Variants in KANSL2 observed in about 807,000 individuals in gnomAD.
KANSL2 encodes NSL complex protein NSL2.
Under a neutral mutation model 55.6 loss-of-function variants are expected in KANSL2, and 34 were observed. The ratio of observed to expected loss-of-function variants is 0.61; its 90% CI spans 0.46 to 0.81. KANSL2 has a LOEUF of 0.81. Ranked by LOEUF, KANSL2 falls within the 40% of genes least tolerant of loss-of-function variation. KANSL2 has a pLI of 0.00. For missense variants in KANSL2, 502 were observed against 609.9 expected (o/e 0.82, Z 1.86); for synonymous variants, 209 against 214.3 (o/e 0.98, Z 0.22).
rs1670533848 is a variant in KANSL2 at position 48,653,666 on chromosome 12, T to TA, written c.*377dup. 2 of 162,220 alleles carry TA rather than the reference T, an allele frequency of 1.2e-5. No homozygotes were observed. The highest frequency in any genetic ancestry group is 1.3e-4 in the Admixed American group (2 of 15,510). 10.0% of individuals were successfully genotyped at this position (162,220 alleles called of 1,614,324 possible). ...AAAAGCTAAACTGCAGGTCTTCAGA[T>TA]AGAGATAACCGATATTAGGGCCATC... On this transcript the variant is annotated 3_prime_UTR_variant, in exon 10 of 10. Transcript: ENST00000420613.
In KANSL2 at chr12:48,679,758, C is replaced by T. The variant is rs1313287769; in HGVS notation, c.327G>A (p.Gly109=). Residue 109 remains glycine, a synonymous_variant, in exon 3 of 10, where the codon GGG becomes GGA. Coordinates refer to ENST00000420613, the MANE Select transcript of KANSL2 (RefSeq NM_017822.4). ...GGCACAGGAGTGTTTCACCCACAGG[C>T]CCTGGGTTGGTCTTCTTCATTTGAG... is the stretch of plus-strand genomic sequence containing the variant. ...LHAQMKKTNP[G]PVGETLLCQL... 5.0e-6 allele frequency: 8 copies of T among 1,609,954 alleles called. No individual in the cohort carries two copies. The East Asian group carries it at 1.8e-4, about 36-fold the overall frequency.
chr12:48,668,971 G>T, intron 6 of KANSL2, 135 bp downstream of exon 6: 1 of 590,150 alleles, frequency 1.7e-6, no homozygotes, highest in Non-Finnish European at 2.7e-6. Flanking sequence ...GGGAGGCAGA[G>T]GTTGAGAGAT....
In KANSL2 at chr12:48,679,157, CAAGG is replaced by C. The variant is rs1939875142; in HGVS notation, c.431-11_431-8del. On this transcript the variant is annotated splice_polypyrimidine_tract_variant and splice_region_variant and intron_variant, in intron 3 of 9. Transcript: ENST00000420613. ...TCACTCCAGCTGTCTTCATCTGAGGCAAGGAAGGGAGAGCAGCCATTAAGACTTC... is the reference window on the plus strand; with the variant it reads ...TCACTCCAGCTGTCTTCATCTGAGGCAAGGGAGAGCAGCCATTAAGACTTC... The C allele has an allele frequency of 1.2e-6, 2 of 1,600,384 alleles. No individual in the cohort carries two copies. The highest frequency in any genetic ancestry group is 1.7e-6 in the Non-Finnish European group (2 of 1,168,532).
Position 48,674,105 on chromosome 12 carries a change from T to C in KANSL2, c.546-2143A>G, listed in dbSNP as rs539973426. ...AATTTTATTGAAAAGGCAAAACACA[T>C]AAATTATACTAATTTTAAGTCAAAA... is the stretch of plus-strand genomic sequence containing the variant. On this transcript the variant is annotated intron_variant, in intron 4 of 9. Transcript: ENST00000420613. Among the ~76,000 whole-genome samples, 298 of 152,282 alleles carry C rather than the reference T, an allele frequency of 2.0e-3. 1 individual carries two copies. In the South Asian group the frequency reaches 0.022, roughly 11 times the overall value.
At chr12:48,681,169 A>T in intron 2 of KANSL2, 1 of 437,098 alleles carries the variant, frequency 2.3e-6, no homozygotes, top group Non-Finnish European at 4.0e-6. Flanking sequence ...CCTTTATTTT[A>T]CAGATAAGGG....
rs1466919233 is a variant in KANSL2, at chr12:48,665,110, T to A, written c.973+2583A>T. Among the ~76,000 whole-genome samples, 3 of 151,836 alleles carry A rather than the reference T, an allele frequency of 2.0e-5. No individual in the cohort carries two copies. The East Asian group carries it at 5.8e-4, about 29-fold the overall frequency. Reference sequence around the variant, plus strand: ...AGGCTGTAAGCATTTATCTTTAGAGTTTTTCATTACTTTGCACAACCATTT... The same window carrying A: ...AGGCTGTAAGCATTTATCTTTAGAGATTTTCATTACTTTGCACAACCATTT... On this transcript the variant is annotated intron_variant, in intron 7 of 9. Transcript: ENST00000420613.
intron 9 of KANSL2, 92 bp downstream of exon 9, chr12:48,654,849 T>G: frequency 7.6e-7 from 1 of 1,320,804 alleles, no homozygotes; most frequent in Non-Finnish European, 1.0e-6. Context: ...GACACCCCAC[T>G]CCCCTCCAGG....
chr12:48,661,208 G>A (rs1939480938), intron 7 of KANSL2: 2 of 970,882 alleles, frequency 2.1e-6, no homozygotes, highest in Non-Finnish European at 2.4e-6. Flanking sequence ...TTTTTTTTAG[G>A]GGAGTGTGCT....
chr12:48,673,942 C>A (rs1249681253), intron 4 of KANSL2, among the ~76,000 whole-genome samples: 1 of 151,960 alleles, frequency 6.6e-6, no homozygotes, highest in Non-Finnish European at 1.5e-5. Context: ...CAGAGCAAGA[C>A]CATGTCTCAA....
In KANSL2 at chr12:48,660,437, C is replaced by T. The variant is rs200133990; in HGVS notation, c.1156G>A (p.Gly386Ser). Residue 386 changes from glycine to serine, a missense_variant, in exon 8 of 10, where the codon GGC becomes AGC. Transcript: ENST00000420613. ...VLSVPDDLEA[G>S]PMDLYLSAAE... The stretch of plus-strand genomic sequence containing the variant: ...GCACTCAAGTACAGATCCATGGGGC[C>T]GGCTTCCAGATCGTCTGGCACAGAC... 4.3e-6 allele frequency: 7 copies of T among 1,613,888 alleles called. No individual in the cohort carries two copies. Among genetic ancestry groups the T allele is most frequent in the Middle Eastern group, 1.6e-4 (1 of 6,062 alleles).
At chr12:48,666,394 TAA>T (rs71080135) in intron 7 of KANSL2, among the ~76,000 whole-genome samples, 1 of 131,778 alleles carries the variant, frequency 7.6e-6, no homozygotes. Flanking sequence ...CTACAAAAAA[TAA>T]AAAAAAAAAA....
rs546080233 is a variant in KANSL2, at chr12:48,667,849, G to A, written c.877-60C>T. 446 of 1,216,160 alleles carry A rather than the reference G, an allele frequency of 3.7e-4. 1 individual carries two copies. The highest frequency in any genetic ancestry group is 4.5e-4 in the Non-Finnish European group (371 of 824,048). 75.3% of individuals were successfully genotyped at this position (1,216,160 alleles called of 1,614,324 possible). ...AAAAGAACACACAAACAATTACGAT[G>A]AAAATAGTTATATAAGAAAAGCACA... On this transcript the variant is annotated intron_variant, in intron 6 of 9. Coordinates refer to ENST00000420613, the MANE Select transcript of KANSL2 (RefSeq NM_017822.4).
chr12:48,681,548 C>T lies in KANSL2; in HGVS notation c.85G>A (p.Ala29Thr), dbSNP rs757892896. The change falls in exon 2 of 10, where the codon GCA (alanine) becomes ACA (threonine). Residue 29 changes from alanine (A) to threonine (T), a missense_variant. By Grantham distance (58) the Ala-to-Thr change is moderately conservative. Coordinates refer to ENST00000420613, the MANE Select transcript of KANSL2 (RefSeq NM_017822.4). ...TGAGAGCATGGACGATGAGTGAATG[C>T]ACAAGACAGAGGTTCCTGAGACCTG... is the stretch of plus-strand genomic sequence containing the variant. ...VPRSQEPLSC[A>T]FTHRPCSHPR... is the part of the protein sequence containing the mutation. The T allele has an allele frequency of 3.1e-6, 5 of 1,614,028 alleles. No individual in the cohort carries two copies. In the South Asian group the frequency reaches 3.3e-5, roughly 11 times the overall value.
intron 4 of KANSL2, 143 bp from the exon 5 acceptor site, chr12:48,672,105 A>T: frequency 1.8e-6 from 1 of 544,736 alleles, no homozygotes; most frequent in South Asian, 5.0e-5. Context: ...ACATTGTACC[A>T]TTCAAGTTGT....
chr12:48,680,981 C>T lies in KANSL2; in HGVS notation c.251+401G>A, dbSNP rs111757098. Among the ~76,000 whole-genome samples, 14 of 149,300 alleles carry T rather than the reference C, an allele frequency of 9.4e-5. No individual in the cohort carries two copies. The East Asian group carries it at 2.0e-3, about 22-fold the overall frequency. ...CAAGAATCTGTGCGCCGCCCCCCCG[C>T]CAAAAAATTAACTTTAGGGCCGGGC... On this transcript the variant is annotated intron_variant, in intron 2 of 9. Transcript: ENST00000420613.
In KANSL2 at chr12:48,671,830, T is replaced by C. The variant is rs1431245793; in HGVS notation, c.678A>G (p.Leu226=). Reference sequence around the variant, plus strand: ...CTTCATGTTCCACTTTGCGATTATGTAAGTATCGGCGCTTCTTCTCCTTGA... The same window carrying C: ...CTTCATGTTCCACTTTGCGATTATGCAAGTATCGGCGCTTCTTCTCCTTGA... The part of the protein sequence containing the change: ...HLLKEKKRRY[L]HNRKVEHEAL... Residue 226 remains leucine, a synonymous_variant, in exon 5 of 10, where the codon TTA becomes TTG. Coordinates refer to ENST00000420613, the MANE Select transcript of KANSL2 (RefSeq NM_017822.4). 1 of 1,612,680 alleles carries C rather than the reference T, an allele frequency of 6.2e-7. No homozygotes were observed. Among genetic ancestry groups the C allele is most frequent in the Admixed American group, 1.7e-5 (1 of 59,794 alleles).
chr12:48,680,806 G>A (rs990983964), intron 2 of KANSL2, among the ~76,000 whole-genome samples: 4 of 150,818 alleles, frequency 2.7e-5, no homozygotes, highest in Admixed American at 1.3e-4. Flanking sequence ...GTGAAACCCC[G>A]TCTCTACTAA....
chr12:48,654,956 G>A lies in KANSL2; in HGVS notation c.1332C>T (p.Asp444=). The part of the protein sequence containing the change: ...EDHLVKEIAE[D]PVDILGQMQM... The stretch of plus-strand genomic sequence containing the variant: ...CTTCACTTGCCAAAATATCCACTGG[G>A]TCTTCAGCAATTTCTTTGACTAAAT... Residue 444 remains aspartate (D), a synonymous_variant, in exon 9 of 10, where the codon GAC becomes GAT. Coordinates refer to ENST00000420613, the MANE Select transcript of KANSL2 (RefSeq NM_017822.4). The A allele has an allele frequency of 6.4e-7, 1 of 1,570,828 alleles. No individual in the cohort carries two copies. Among genetic ancestry groups the A allele is most frequent in the East Asian group, 2.3e-5 (1 of 42,686 alleles).
At chr12:48,675,480 T>C (rs1351241920) in intron 4 of KANSL2, among the ~76,000 whole-genome samples, 1 of 152,228 alleles carries the variant, frequency 6.6e-6, no homozygotes, top group Non-Finnish European at 1.5e-5. Flanking sequence ...TACATTAACC[T>C]GTCTGTAACC....
Sources: gnomAD v4.1 joint callset for allele counts (sites outside exome capture counted in the v4.1 genomes callset) on GRCh38, gnomAD v4.1.1 for gene constraint, MANE v1.5 for transcripts, NCBI Gene and HGNC (gene_info 2026-07-23, HGNC 2026-07-21) for gene names.